CFAP92: variants seen among roughly 807,000 people sequenced by gnomAD.
CFAP92 encodes the protein uncharacterized protein CFAP92.
Under a neutral mutation model 106.3 loss-of-function variants are expected in CFAP92, and 86 were observed. That is an observed-to-expected ratio of 0.81 (90% CI 0.68 to 0.97). CFAP92 has a LOEUF of 0.97. CFAP92 is among the 50% of genes least tolerant of loss of function. CFAP92 has a pLI of 0.00. For missense variants in CFAP92, 1,204 were observed against 1,283.8 expected (o/e 0.94, Z 0.95); for synonymous variants, 477 against 506.4 (o/e 0.94, Z 0.78).
In CFAP92 at chr3:129,002,577, A is replaced by G. The variant is rs2107847985; in HGVS notation, n.114T>C. The G allele has an allele frequency of 8.1e-6, 5 of 615,290 alleles. 1 individual carries two copies. The East Asian group carries it at 1.8e-4, about 22-fold the overall frequency. 38.1% of individuals were successfully genotyped at this position (615,290 alleles called of 1,614,324 possible). A position where few individuals can be genotyped will look rare whatever the true frequency, so the allele number is the denominator to read the frequency against. ...AATCACACTCAAACAACCATACCCC[A>G]CTTTTCTGCTCCACCGCCACATCAT... On this transcript the variant is annotated non_coding_transcript_exon_variant, in exon 1 of 5. Coordinates refer to the CFAP92 transcript ENST00000510149.
intron 12 of CFAP92, among the ~76,000 whole-genome samples, chr3:128,931,840 C>T (rs544967203): frequency 6.6e-6 from 1 of 151,792 alleles, no homozygotes; most frequent in African/African-American, 2.4e-5. Context: ...CTAGGCAACA[C>T]AGCAAGACCC....
chr3:128,911,585 G>A (rs751063613), intron 15 of CFAP92, among the ~76,000 whole-genome samples: 4 of 151,820 alleles, frequency 2.6e-5, no homozygotes, highest in Non-Finnish European at 5.9e-5. Flanking sequence ...TTATAGGCAC[G>A]CACCACCATG....
intron 10 of CFAP92, among the ~76,000 whole-genome samples, chr3:128,941,049 A>G (rs903342190): frequency 6.6e-6 from 1 of 152,180 alleles, no homozygotes; most frequent in Non-Finnish European, 1.5e-5. Context: ...ATTCATGAAC[A>G]TGGTATCTCT....
intron 9 of CFAP92, among the ~76,000 whole-genome samples, chr3:128,962,824 AAGTT>A (rs1483301484): frequency 1.3e-5 from 2 of 152,150 alleles, no homozygotes; most frequent in Non-Finnish European, 2.9e-5. Context: ...CAAGGCTTAC[AAGTT>A]AGTTCAGAAT....
intron 4 of CFAP92, among the ~76,000 whole-genome samples, chr3:128,979,947 AATATAT>A (rs375673134): frequency 0.29 from 37,582 of 128,164 alleles, 5,656 homozygotes; most frequent in African/African-American, 0.39. Context: ...AAAGTATAAT[AATATAT>A]ATATATATAT....
intron 11 of CFAP92, 130 bp downstream of exon 11, chr3:128,934,995 C>T (rs1004809215): frequency 7.6e-6 from 5 of 656,136 alleles, no homozygotes; most frequent in East Asian, 2.8e-5. Context: ...GGATGGTCCT[C>T]CTCCCCCCAC....
chr3:128,993,043 C>G lies in CFAP92; in HGVS notation c.262G>C (p.Gly88Arg). The G allele has an allele frequency of 6.2e-7, 1 of 1,614,034 alleles. No homozygotes were observed. Among genetic ancestry groups the G allele is most frequent in the Admixed American group, 1.7e-5 (1 of 60,030 alleles). ...TISLAFPVNM[G>R]QKGKYASLIE... ...GTTAAACTTCTGCTCTAGCACCTAC[C>G]CATATTCACAGGGAAGGCCAGTGAG... Residue 88 changes from glycine (G) to arginine (R), a missense_variant and splice_region_variant, in exon 2 of 16, where the codon GGT (glycine) becomes CGT (arginine). Physicochemically the swap from Gly to Arg is moderately radical, Grantham distance 125. Coordinates refer to ENST00000645291, the MANE Select transcript of CFAP92 (RefSeq NM_001394090.1).
At chr3:129,003,996 G>C (rs1221621631), upstream of CFAP92, 1 of 1,501,996 alleles carries the variant, frequency 6.7e-7, no homozygotes, top group South Asian at 1.2e-5. Context: ...CACCGCGTGC[G>C]AGAGCTGGAG....
rs571144935 is a variant in CFAP92 at position 128,910,613 on chromosome 3, G to C, written c.3281-280C>G. ...GGCTGGAATTAGAACCCAAGACGGGGTGACTCCTGTGCCAGGCCTTGTGAC... is the reference window on the plus strand; with the variant it reads ...GGCTGGAATTAGAACCCAAGACGGGCTGACTCCTGTGCCAGGCCTTGTGAC... On this transcript the variant is annotated intron_variant, in intron 15 of 15. Coordinates refer to ENST00000645291, the MANE Select transcript of CFAP92 (RefSeq NM_001394090.1). 1.3e-5 allele frequency: 13 copies of C among 1,009,296 alleles called. No homozygotes were observed. The African/African-American group carries it at 1.9e-4, about 15-fold the overall frequency. The allele number at this position is 1,009,296 out of a possible 1,614,324, so 62.5% of individuals were successfully genotyped here. A position where few individuals can be genotyped will look rare whatever the true frequency, so the allele number is the denominator to read the frequency against.
At chr3:128,966,009 G>A (rs1045429655) in intron 8 of CFAP92, among the ~76,000 whole-genome samples, 5 of 152,032 alleles carry the variant, frequency 3.3e-5, no homozygotes, top group Admixed American at 3.3e-4. Flanking sequence ...CTATGTGTGG[G>A]TGCCACTCCC....
intron 15 of CFAP92, chr3:128,912,673 C>A: frequency 7.3e-7 from 1 of 1,364,830 alleles, no homozygotes. Flanking sequence ...ATGACTGTTA[C>A]TCTTTTTTCA....
chr3:129,004,173 G>C, upstream of CFAP92: 2 of 1,307,826 alleles, frequency 1.5e-6, no homozygotes, highest in Non-Finnish European at 2.0e-6. Flanking sequence ...GCGCTCTCGT[G>C]TTCCGCAGTT....
rs1399068658 is a variant in CFAP92 at position 128,945,365 on chromosome 3, C to T, written c.1964G>A (p.Gly655Asp). ...GAAGATGATGCGGCCAAACTGGGAGCCCCCAAGGTCAGGATCAGCAGCTCT... is the reference window on the plus strand; with the variant it reads ...GAAGATGATGCGGCCAAACTGGGAGTCCCCAAGGTCAGGATCAGCAGCTCT... ...GARAADPDLG[G>D]SQFGRIIFVF... The change falls in exon 10 of 16, where the codon GGC (glycine) becomes GAC (aspartate). Residue 655 changes from glycine (G) to aspartate (D), a missense_variant. By Grantham distance (94) the Gly-to-Asp change is moderately conservative. Transcript: ENST00000645291. The T allele has an allele frequency of 6.5e-7, 1 of 1,536,124 alleles. No individual in the cohort carries two copies. Among genetic ancestry groups the T allele is most frequent in the Admixed American group, 2.0e-5 (1 of 51,000 alleles).
exon 1 of CFAP92, chr3:129,002,605 C>A: frequency 2.0e-6 from 1 of 501,182 alleles, no homozygotes; most frequent in Non-Finnish European, 3.3e-6. Context: ...CACATCATCG[C>A]GTCTTGCCCC....
chr3:128,916,555 A>C lies in CFAP92; in HGVS notation c.2752-284T>G, dbSNP rs147196016. Among the ~76,000 whole-genome samples, 741 of 152,344 alleles carry C rather than the reference A, an allele frequency of 4.9e-3. 8 individuals carry two copies. Among genetic ancestry groups the C allele is most frequent in the African/African-American group, 0.017 (705 of 41,568 alleles). On this transcript the variant is annotated intron_variant, in intron 12 of 15. Transcript: ENST00000645291. ...CCACTCATCTCCCAACCACCTTGTG[A>C]TAAAGACAGAATTTGTGTCTCACAT...
intron 9 of CFAP92, among the ~76,000 whole-genome samples, chr3:128,950,396 C>G (rs560438915): frequency 6.6e-6 from 1 of 152,316 alleles, no homozygotes; most frequent in East Asian, 1.9e-4. Context: ...AGGGGATTAA[C>G]AGACAGTGGA....
intron 10 of CFAP92, among the ~76,000 whole-genome samples, chr3:128,938,642 C>CA (rs1026697438): frequency 1.3e-5 from 2 of 151,862 alleles, no homozygotes; most frequent in African/African-American, 4.8e-5. Flanking sequence ...TACAGGCGCC[C>CA]ACCACCACGC....
upstream of CFAP92, among the ~76,000 whole-genome samples, chr3:128,998,752 C>T (rs926521290): frequency 3.3e-5 from 5 of 152,158 alleles, no homozygotes; most frequent in African/African-American, 1.2e-4. Flanking sequence ...TGCAAAGAAA[C>T]CACAGCCAAG....
chr3:128,912,445 A>G, intron 15 of CFAP92: 3 of 1,490,198 alleles, frequency 2.0e-6, no homozygotes, highest in Non-Finnish European at 2.8e-6. Flanking sequence ...CCCCCACTTC[A>G]GCCATGTTTG....
Sources: allele counts gnomAD v4.1 joint callset (sites outside exome capture counted in the v4.1 genomes callset), GRCh38; gene constraint gnomAD v4.1.1; transcripts MANE v1.5; gene names NCBI Gene and HGNC (gene_info 2026-07-23, HGNC 2026-07-21).